Variants in CUX2 observed in about 807,000 individuals in gnomAD.
CUX2 encodes homeobox protein cut-like 2.
A neutral mutation model predicts 144.8 loss-of-function variants in CUX2; 40 were observed. That is an observed-to-expected ratio of 0.28 (90% confidence interval 0.21 to 0.36). CUX2 has a LOEUF of 0.36. CUX2 is among the 10% of genes least tolerant of loss of function. CUX2 has a pLI of 1.00. For missense variants in CUX2, 1,615 were observed against 1,994.0 expected, an observed-to-expected ratio of 0.81 and a Z score of 3.62; for synonymous variants, 827 against 875.6, an observed-to-expected ratio of 0.94 and a Z score of 0.98.
intron 1 of CUX2, among the ~76,000 whole-genome samples, chr12:111,134,620 C>CTGTGTGTGTGTGTGTGTGTGTGTGTG (rs750270262): frequency 7.0e-6 from 1 of 142,130 alleles, no homozygotes; most frequent in African/African-American, 2.8e-5. Flanking sequence ...CTCTCTCTCT[C>CTGTGTGTGTGTGTGTGTGTGTGTGTG]TGTGTGTGTG....
chr12:111,048,366 C>T (rs981020093), intron 1 of CUX2, among the ~76,000 whole-genome samples: 20 of 152,194 alleles, frequency 1.3e-4, no homozygotes, highest in Non-Finnish European at 1.5e-4. Context: ...GGCACGCAAA[C>T]GTTTCGAGGA....
rs958925825 is a variant in CUX2, at chr12:111,350,444, A to G, written c.*2119A>G. On this transcript the variant is annotated 3_prime_UTR_variant, in exon 22 of 22. Coordinates refer to ENST00000261726, the MANE Select transcript of CUX2 (RefSeq NM_015267.4). ...ACGTCCTATAACGGTTAAAAAACAC[A>G]CACACACATACACAAACCGTTTCTA... 3.9e-5 allele frequency: 6 copies of G among 152,450 alleles called. No homozygotes were observed. Among genetic ancestry groups the G allele is most frequent in the African/African-American group, 1.4e-4 (6 of 41,456 alleles). The allele number at this position is 152,450 out of a possible 1,614,324, so 9.4% of individuals were successfully genotyped here.
chr12:111,247,172 C>T (rs1404755189), intron 3 of CUX2, among the ~76,000 whole-genome samples: 1 of 152,142 alleles, frequency 6.6e-6, no homozygotes, highest in Non-Finnish European at 1.5e-5. Flanking sequence ...CTCTGGAGCC[C>T]ACTGCAGACG....
chr12:111,126,950 T>A (rs1875122674), intron 1 of CUX2, among the ~76,000 whole-genome samples: 1 of 152,222 alleles, frequency 6.6e-6, no homozygotes, highest in Non-Finnish European at 1.5e-5. Flanking sequence ...AGTAAAGGAC[T>A]TCAGTGATGT....
chr12:111,197,191 T>C (rs1367987456), intron 1 of CUX2, among the ~76,000 whole-genome samples: 1 of 152,122 alleles, frequency 6.6e-6, no homozygotes, highest in Non-Finnish European at 1.5e-5. Flanking sequence ...TACTAATATC[T>C]CTCTCGAAGG....
chr12:111,187,508 C>T (rs1879621447), intron 1 of CUX2, among the ~76,000 whole-genome samples: 1 of 152,168 alleles, frequency 6.6e-6, no homozygotes, highest in African/African-American at 2.4e-5. Context: ...GTCCTCCCTC[C>T]CCATGTCCAC....
At chr12:111,256,022 C>G (rs973151356) in intron 3 of CUX2, among the ~76,000 whole-genome samples, 1 of 152,048 alleles carries the variant, frequency 6.6e-6, no homozygotes, top group Non-Finnish European at 1.5e-5. Context: ...GAGCTCAGTA[C>G]CTCCCACCCA....
At chr12:111,217,807 G>A (rs1592849749) in intron 2 of CUX2, 83 bp from the exon 3 acceptor site, 1 of 1,418,774 alleles carries the variant, frequency 7.0e-7, no homozygotes, top group East Asian at 2.3e-5. Flanking sequence ...TGCTGAGCCA[G>A]GGACAGCAGC....
At chr12:111,306,647 G>A (rs1016508116) in intron 10 of CUX2, among the ~76,000 whole-genome samples, 1 of 152,212 alleles carries the variant, frequency 6.6e-6, no homozygotes, top group African/African-American at 2.4e-5. Context: ...TTCCTCTGGT[G>A]CGAGCACCCA....
chr12:111,261,177 C>G (rs1826798933), intron 3 of CUX2, among the ~76,000 whole-genome samples: 1 of 152,110 alleles, frequency 6.6e-6, no homozygotes, highest in South Asian at 2.1e-4. Flanking sequence ...CTTGGCCCTG[C>G]CATTTGCTAA....
At chr12:111,230,016 A>G (rs1359419501) in intron 3 of CUX2, among the ~76,000 whole-genome samples, 1 of 150,034 alleles carries the variant, frequency 6.7e-6, no homozygotes, top group African/African-American at 2.4e-5. Flanking sequence ...CCTGTCTCAA[A>G]AAAAAAAAAA....
intron 3 of CUX2, among the ~76,000 whole-genome samples, chr12:111,259,321 G>A (rs1268251874): frequency 2.6e-5 from 4 of 151,886 alleles, no homozygotes; most frequent in South Asian, 4.2e-4. Context: ...TTTTAGTCTC[G>A]CGGGCCACAA....
intron 9 of CUX2, among the ~76,000 whole-genome samples, chr12:111,299,430 C>T (rs977412683): frequency 6.6e-6 from 1 of 152,194 alleles, no homozygotes; most frequent in East Asian, 1.9e-4. Flanking sequence ...GGCACTCCCT[C>T]CTACAGAGGA....
intron 21 of CUX2, among the ~76,000 whole-genome samples, chr12:111,345,444 C>CAAA (rs34883804): frequency 3.3e-5 from 2 of 60,602 alleles, no homozygotes; most frequent in African/African-American, 5.2e-5. Context: ...GACTCCATCT[C>CAAA]AAAAAAAAAA....
chr12:111,047,619 G>A (rs1395276683), intron 1 of CUX2, among the ~76,000 whole-genome samples: 2 of 152,132 alleles, frequency 1.3e-5, no homozygotes, highest in African/African-American at 2.4e-5. Flanking sequence ...GGCCCAGGGA[G>A]GTTCATTTAC....
intron 1 of CUX2, among the ~76,000 whole-genome samples, chr12:111,149,435 G>A (rs1876900227): frequency 6.6e-6 from 1 of 152,130 alleles, no homozygotes; most frequent in East Asian, 1.9e-4. Flanking sequence ...GTCTGTTGTG[G>A]GGGGTTGCCT....
At chr12:111,137,174 A>T (rs1413918212) in intron 1 of CUX2, among the ~76,000 whole-genome samples, 4 of 151,132 alleles carry the variant, frequency 2.6e-5, no homozygotes, top group Admixed American at 6.6e-5. Context: ...GCTCAAAGTG[A>T]TCCCCCTGCC....
chr12:111,121,208 C>T (rs1278651263), intron 1 of CUX2, among the ~76,000 whole-genome samples: 2 of 151,516 alleles, frequency 1.3e-5, no homozygotes, highest in African/African-American at 2.4e-5. Flanking sequence ...ATATAGTCCT[C>T]GCTCCAATAA....
At chr12:111,130,821 A>T (rs1400851704) in intron 1 of CUX2, among the ~76,000 whole-genome samples, 1 of 152,196 alleles carries the variant, frequency 6.6e-6, no homozygotes, top group Non-Finnish European at 1.5e-5. Flanking sequence ...CAGCCAACCA[A>T]CCCAACACAT....
Sources: allele counts gnomAD v4.1 joint callset (sites outside exome capture counted in the v4.1 genomes callset), GRCh38; gene constraint gnomAD v4.1.1; transcripts MANE v1.5; gene names NCBI Gene and HGNC (gene_info 2026-07-23, HGNC 2026-07-21).